DYNC1I1: variants seen among roughly 807,000 people sequenced by gnomAD.
DYNC1I1 encodes cytoplasmic dynein 1 intermediate chain 1.
DYNC1I1 carries 43 observed loss-of-function variants against 86.6 expected under a neutral mutation model. The ratio of observed to expected loss-of-function variants is 0.50; its 90% CI spans 0.39 to 0.64. The LOEUF (loss-of-function observed/expected upper bound fraction) is 0.64. Ranked by LOEUF, DYNC1I1 falls within the 30% of genes least tolerant of loss-of-function variation. The pLI, the probability that DYNC1I1 is intolerant of heterozygous loss-of-function variation, is 0.00. For missense variants in DYNC1I1, 604 were observed against 788.8 expected, an observed-to-expected ratio of 0.77 and a Z score of 2.81; for synonymous variants, 262 against 283.7, an observed-to-expected ratio of 0.92 and a Z score of 0.77.
intron 14 of DYNC1I1, among the ~76,000 whole-genome samples, chr7:96,040,920 G>C (rs571577064): frequency 6.6e-6 from 1 of 151,600 alleles, no homozygotes; most frequent in East Asian, 1.9e-4. Flanking sequence ...ATGGGGTTTC[G>C]CATGTTGGCC....
intron 5 of DYNC1I1, among the ~76,000 whole-genome samples, chr7:95,863,204 G>T (rs1037786525): frequency 6.6e-6 from 1 of 152,120 alleles, no homozygotes; most frequent in African/African-American, 2.4e-5. Flanking sequence ...ATGACATAAT[G>T]ATACATGCTA....
downstream of DYNC1I1, among the ~76,000 whole-genome samples, chr7:96,100,360 C>A (rs1001401840): frequency 7.3e-5 from 10 of 137,110 alleles, no homozygotes; most frequent in African/African-American, 2.6e-4. Context: ...CCTTCCTTTC[C>A]TTCCTTCCTT....
At chr7:96,000,522 C>T (rs773642638) in intron 10 of DYNC1I1, among the ~76,000 whole-genome samples, 7 of 152,276 alleles carry the variant, frequency 4.6e-5, no homozygotes, top group South Asian at 2.1e-4. Context: ...TTGTGCCTTT[C>T]GGAAAAGGCA....
chr7:96,048,757 G>A (rs1789295576), intron 14 of DYNC1I1, among the ~76,000 whole-genome samples: 1 of 152,106 alleles, frequency 6.6e-6, no homozygotes, highest in South Asian at 2.1e-4. Flanking sequence ...TGTCCCACCT[G>A]CAACAAGGTT....
intron 6 of DYNC1I1, among the ~76,000 whole-genome samples, chr7:95,947,953 T>C (rs73393059): frequency 0.022 from 3,299 of 151,226 alleles, 147 homozygotes; most frequent in African/African-American, 0.076. Flanking sequence ...TAATAAAGTC[T>C]GTCAAAAACC....
At chr7:95,998,549 T>A (rs1220698690) in intron 10 of DYNC1I1, among the ~76,000 whole-genome samples, 3 of 152,230 alleles carry the variant, frequency 2.0e-5, no homozygotes, top group African/African-American at 7.2e-5. Context: ...TTATTACAAC[T>A]GGTCATTTCT....
At chr7:95,848,194 T>C in intron 5 of DYNC1I1, among the ~76,000 whole-genome samples, 1 of 146,972 alleles carries the variant, frequency 6.8e-6, no homozygotes, top group East Asian at 2.0e-4. Flanking sequence ...TACACTGGTG[T>C]TTGACTTACA....
chr7:96,083,543 CTG>C (rs1233859394), intron 16 of DYNC1I1, among the ~76,000 whole-genome samples: 2 of 152,102 alleles, frequency 1.3e-5, no homozygotes, highest in Non-Finnish European at 2.9e-5. Context: ...CAGAACATAA[CTG>C]TGCTTAAAGA....
intron 5 of DYNC1I1, among the ~76,000 whole-genome samples, chr7:95,859,696 T>G (rs1789824244): frequency 6.6e-6 from 1 of 152,216 alleles, no homozygotes; most frequent in Non-Finnish European, 1.5e-5. Context: ...GAAGTCTGCA[T>G]GATAGTGGTG....
chr7:96,063,014 A>G (rs891863596), intron 14 of DYNC1I1, among the ~76,000 whole-genome samples: 1 of 151,736 alleles, frequency 6.6e-6, no homozygotes, highest in Non-Finnish European at 1.5e-5. Flanking sequence ...ACATCACAGA[A>G]CTATGAGTAT....
At chr7:96,076,347 G>A in intron 15 of DYNC1I1, 150 bp downstream of exon 15, 1 of 1,218,938 alleles carries the variant, frequency 8.2e-7, no homozygotes, top group South Asian at 1.6e-5. Context: ...TGACTACCCT[G>A]AAGGGAATTG....
At chr7:95,895,631 G>A (rs539550319) in intron 6 of DYNC1I1, among the ~76,000 whole-genome samples, 1 of 152,058 alleles carries the variant, frequency 6.6e-6, no homozygotes, top group Admixed American at 6.5e-5. Context: ...TTTTGAACTC[G>A]AATAAGAAAA....
At position 96,092,307 on chromosome 7, in the gene DYNC1I1, C is replaced by A. The variant is rs373226936; in HGVS notation, c.1777-5176C>A. 4.6e-5 allele frequency among the ~76,000 whole-genome samples: 7 copies of A among 152,182 alleles called. No homozygotes were observed. In the East Asian group the frequency reaches 1.2e-3, roughly 25 times the overall value. Reference sequence around the variant, plus strand: ...AGAAGGAAAAACAACATCATGTATTCAGGGTTTATAGTGTACAAGCACTGT... The same window carrying A: ...AGAAGGAAAAACAACATCATGTATTAAGGGTTTATAGTGTACAAGCACTGT... On this transcript the variant is annotated intron_variant, in intron 16 of 16. Transcript: ENST00000447467.
chr7:96,000,775 G>A (rs1793990807), intron 10 of DYNC1I1, among the ~76,000 whole-genome samples: 2 of 152,148 alleles, frequency 1.3e-5, no homozygotes, highest in African/African-American at 4.8e-5. Context: ...AAGCAGAAGT[G>A]ATCACTGGGA....
At chr7:95,912,743 T>C (rs920930304) in intron 6 of DYNC1I1, among the ~76,000 whole-genome samples, 1 of 152,186 alleles carries the variant, frequency 6.6e-6, no homozygotes, top group African/African-American at 2.4e-5. Context: ...TAGAGTCTCA[T>C]TAGCACCAGC....
At chr7:95,986,312 G>T (rs562778330) in intron 8 of DYNC1I1, among the ~76,000 whole-genome samples, 1 of 152,220 alleles carries the variant, frequency 6.6e-6, no homozygotes, top group African/African-American at 2.4e-5. Flanking sequence ...TGCAGATCCC[G>T]TAGTTCCTGG....
chr7:95,938,588 C>T (rs544461570), intron 6 of DYNC1I1, among the ~76,000 whole-genome samples: 1 of 152,184 alleles, frequency 6.6e-6, no homozygotes, highest in South Asian at 2.1e-4. Context: ...TACTTTTTCA[C>T]CTTGGACAAG....
At chr7:95,833,285 T>C (rs1206369900) in intron 5 of DYNC1I1, among the ~76,000 whole-genome samples, 3 of 146,852 alleles carry the variant, frequency 2.0e-5, no homozygotes, top group Non-Finnish European at 4.5e-5. Flanking sequence ...GTTGTAGATA[T>C]GCGGCATTAT....
chr7:95,788,225 C>T (rs1437792868), intron 1 of DYNC1I1, among the ~76,000 whole-genome samples: 1 of 152,078 alleles, frequency 6.6e-6, no homozygotes, highest in Non-Finnish European at 1.5e-5. Context: ...AATGAGAAGA[C>T]CCATTAGGGG....
Sources: allele counts gnomAD v4.1 joint callset (sites outside exome capture counted in the v4.1 genomes callset), GRCh38; gene constraint gnomAD v4.1.1; transcripts MANE v1.5; gene names NCBI Gene and HGNC (gene_info 2026-07-23, HGNC 2026-07-21).